The following TIAM1 variants were observed in gnomAD, a reference collection of about 807,000 sequenced individuals.
The protein encoded by TIAM1 is TIAM Rac1 associated GEF 1.
TIAM1 carries 65 observed loss-of-function variants against 163.5 expected under a neutral mutation model. The observed-to-expected ratio is 0.40, with a 90% CI of 0.33 to 0.49. The LOEUF (loss-of-function observed/expected upper bound fraction) is 0.49. Ranked by LOEUF, TIAM1 falls within the 20% of genes least tolerant of loss-of-function variation. The probability of loss-of-function intolerance (pLI) is 0.77; values close to 1 mark genes in which losing one functional copy is unlikely to be tolerated. For synonymous variants in TIAM1, 833 were observed against 810.1 expected, an observed-to-expected ratio of 1.03 and a Z score of -0.48; for missense variants, 1,789 against 2,044.7, an observed-to-expected ratio of 0.87 and a Z score of 2.41.
chr21:31,482,814 C>A (rs929717345), intron 1 of TIAM1, among the ~76,000 whole-genome samples: 2 of 152,136 alleles, frequency 1.3e-5, no homozygotes, highest in African/African-American at 4.8e-5. Context: ...AGCATGGGAG[C>A]CCTTGGCAGT....
chr21:31,371,900 A>C (rs983157716), intron 2 of TIAM1, among the ~76,000 whole-genome samples: 1 of 152,214 alleles, frequency 6.6e-6, no homozygotes, highest in Non-Finnish European at 1.5e-5. Context: ...AAGGTCATGC[A>C]GTGGCCACCA....
chr21:31,241,643 A>G (rs1248452358), intron 6 of TIAM1, among the ~76,000 whole-genome samples: 1 of 152,194 alleles, frequency 6.6e-6, no homozygotes, highest in Non-Finnish European at 1.5e-5. Flanking sequence ...CAGAGTTGCC[A>G]CATTTATATT....
chr21:31,123,217 T>C (rs758819667), intron 27 of TIAM1, among the ~76,000 whole-genome samples: 2 of 152,206 alleles, frequency 1.3e-5, no homozygotes, highest in Admixed American at 6.5e-5. Context: ...TTTAGGTTCA[T>C]TGATTAACAA....
intron 2 of TIAM1, among the ~76,000 whole-genome samples, chr21:31,430,226 ATATATATAT>A (rs1218842025): frequency 4.4e-5 from 3 of 68,246 alleles, no homozygotes; most frequent in Admixed American, 1.9e-4. Flanking sequence ...AAAAAAAAAA[ATATATATAT>A]ATATATATAT....
rs74407195 is a variant in TIAM1, at chr21:31,451,548, C to T, written c.-369+12435G>A. ...CTGTAGTTCAGAGAAAGAGCAAATG[C>T]GGTGGCTTGGGAGGGGTAATGGGAA... On this transcript the variant is annotated intron_variant, in intron 2 of 28. Coordinates refer to the TIAM1 transcript ENST00000286827. Among the ~76,000 whole-genome samples the T allele has an allele frequency of 6.5e-3, 991 of 152,164 alleles. 8 individuals are homozygous for T. Among genetic ancestry groups the T allele is most frequent in the African/African-American group, 0.022 (918 of 41,482 alleles).
At chr21:31,325,672 A>C (rs1569223383) in intron 2 of TIAM1, among the ~76,000 whole-genome samples, 8 of 151,956 alleles carry the variant, frequency 5.3e-5, no homozygotes, top group Admixed American at 4.6e-4. Context: ...TGACTCAAAA[A>C]AAAAAAAAAA....
chr21:31,508,944 C>T (rs1410269525), intron 1 of TIAM1, among the ~76,000 whole-genome samples: 1 of 152,122 alleles, frequency 6.6e-6, no homozygotes, highest in African/African-American at 2.4e-5. Context: ...GGCTGTGCTA[C>T]GAACTCACCT....
intron 18 of TIAM1, 68 bp downstream of exon 18, chr21:31,152,998 T>C: frequency 6.8e-7 from 1 of 1,471,310 alleles, no homozygotes; most frequent in African/African-American, 1.4e-5. Context: ...ATGTCCCCAT[T>C]TTTCCTCTTT....
chr21:31,553,161 C>T (rs1298422675), intron 1 of TIAM1, among the ~76,000 whole-genome samples: 1 of 152,150 alleles, frequency 6.6e-6, no homozygotes, highest in Non-Finnish European at 1.5e-5. Context: ...CATTTTTGAG[C>T]ATGTCAGGTG....
chr21:31,332,449 A>G (rs2147068943), intron 2 of TIAM1, among the ~76,000 whole-genome samples: 1 of 152,310 alleles, frequency 6.6e-6, no homozygotes, highest in Middle Eastern at 3.4e-3. Flanking sequence ...GCCCAGGATA[A>G]GAACTTTGGT....
intron 1 of TIAM1, among the ~76,000 whole-genome samples, chr21:31,510,685 G>A (rs921224134): frequency 8.5e-5 from 13 of 152,048 alleles, no homozygotes; most frequent in African/African-American, 2.4e-4. Context: ...GTGGTGACAA[G>A]CACCTGTAAT....
rs112240714 is a variant in TIAM1, at chr21:31,172,728, C to T, written c.2888-7663G>A. Among the ~76,000 whole-genome samples the T allele has an allele frequency of 7.1e-3, 1,081 of 152,214 alleles. 10 individuals carry two copies. Among genetic ancestry groups the T allele is most frequent in the Non-Finnish European group, 0.011 (723 of 68,008 alleles). Reference sequence around the variant, plus strand: ...AATCAAAAGCTGCTATAGAGCCCGGCGCAGTGGCTCACAACTGTAATCCCA... The same window carrying T: ...AATCAAAAGCTGCTATAGAGCCCGGTGCAGTGGCTCACAACTGTAATCCCA... On this transcript the variant is annotated intron_variant, in intron 15 of 27. Coordinates refer to ENST00000541036, the MANE Select transcript of TIAM1 (RefSeq NM_001353694.2).
intron 1 of TIAM1, among the ~76,000 whole-genome samples, chr21:31,481,985 T>C (rs2046122920): frequency 6.6e-6 from 1 of 151,528 alleles, no homozygotes; most frequent in Admixed American, 6.6e-5. Flanking sequence ...AGGTCCCCAG[T>C]GTACCAAAGA....
chr21:31,200,905 G>C (rs1021281549), intron 12 of TIAM1, among the ~76,000 whole-genome samples: 1 of 152,102 alleles, frequency 6.6e-6, no homozygotes, highest in Non-Finnish European at 1.5e-5. Flanking sequence ...TCTGCAACAG[G>C]CCAAGAAATA....
chr21:31,373,992 G>A (rs2076643359), intron 2 of TIAM1, among the ~76,000 whole-genome samples: 1 of 151,956 alleles, frequency 6.6e-6, no homozygotes, highest in East Asian at 1.9e-4. Flanking sequence ...AAGGTCACCA[G>A]AAGCCCCACC....
intron 2 of TIAM1, among the ~76,000 whole-genome samples, chr21:31,462,080 A>C (rs1434670683): frequency 6.6e-6 from 1 of 152,210 alleles, no homozygotes; most frequent in East Asian, 1.9e-4. Flanking sequence ...CATCTACTAC[A>C]GCCTTATTCA....
chr21:31,181,756 C>CTTTTTT lies in TIAM1; in HGVS notation c.2887+659_2887+664dup, dbSNP rs781153297. 4.6e-4 allele frequency among the ~76,000 whole-genome samples: 19 copies of CTTTTTT among 41,340 alleles called. 6 individuals are homozygous for CTTTTTT. Among genetic ancestry groups the CTTTTTT allele is most frequent in the Non-Finnish European group, 8.0e-4 (15 of 18,804 alleles). 27.1% of individuals were successfully genotyped at this position (41,340 alleles called of 152,430 possible). The stretch of plus-strand genomic sequence containing the variant: ...CCCAGCACTTCTTCTTCTTCTTCTT[C>CTTTTTT]TTTTTTTTTTTTTTTTTTTTTTTTT... On this transcript the variant is annotated intron_variant, in intron 15 of 27. Coordinates refer to ENST00000541036, the MANE Select transcript of TIAM1 (RefSeq NM_001353694.2).
chr21:31,521,941 G>A lies in TIAM1; in HGVS notation c.-422+36986C>T, dbSNP rs1018568947. ...GGCTGGAGTGCAGTTGTGCCATCTC[G>A]GCTCACTGCAAGCTCCGCCTCCCGG... is the stretch of plus-strand genomic sequence containing the variant. On this transcript the variant is annotated intron_variant, in intron 1 of 28. Transcript: ENST00000286827. Among the ~76,000 whole-genome samples, 145 of 151,978 alleles carry A rather than the reference G, an allele frequency of 9.5e-4. 1 individual carries two copies. The highest frequency in any genetic ancestry group is 2.7e-3 in the Admixed American group (41 of 15,270).
intron 2 of TIAM1, among the ~76,000 whole-genome samples, chr21:31,387,824 C>T (rs546955383): frequency 5.9e-4 from 89 of 152,064 alleles, no homozygotes; most frequent in South Asian, 1.9e-3. Context: ...CTCTCCCAGG[C>T]GCACCTTCCC....
Sources: allele counts gnomAD v4.1 joint callset (sites outside exome capture counted in the v4.1 genomes callset), GRCh38; gene constraint gnomAD v4.1.1; transcripts MANE v1.5; gene names NCBI Gene and HGNC (gene_info 2026-07-23, HGNC 2026-07-21).